LRRC3B: variants seen among roughly 807,000 people sequenced by gnomAD.
The protein encoded by LRRC3B is leucine rich repeat containing 3B.
A neutral mutation model predicts 12.8 loss-of-function variants in LRRC3B; 2 were observed. The observed-to-expected ratio is 0.16, with a 90% CI of 0.06 to 0.49. The LOEUF (loss-of-function observed/expected upper bound fraction) is 0.49. Ranked by LOEUF, LRRC3B falls within the 20% of genes least tolerant of loss-of-function variation. The pLI is 0.96. For missense variants in LRRC3B, 189 were observed against 319.4 expected (o/e 0.59, Z 3.11); for synonymous variants, 132 against 122.0 (o/e 1.08, Z -0.54).
chr3:26,699,448 A>T (rs750550124), intron 1 of LRRC3B, among the ~76,000 whole-genome samples: 7 of 152,132 alleles, frequency 4.6e-5, no homozygotes, highest in Non-Finnish European at 7.4e-5. Flanking sequence ...CCTGAAATTC[A>T]TTACTTGGGA....
chr3:26,637,438 T>G (rs1698926430), intron 1 of LRRC3B, among the ~76,000 whole-genome samples: 1 of 152,156 alleles, frequency 6.6e-6, no homozygotes, highest in Non-Finnish European at 1.5e-5. Flanking sequence ...ATTACTAGTT[T>G]TATAAAGTCA....
intron 1 of LRRC3B, among the ~76,000 whole-genome samples, chr3:26,641,831 AC>A (rs2125408308): frequency 6.6e-6 from 1 of 152,308 alleles, no homozygotes; most frequent in Non-Finnish European, 1.5e-5. Flanking sequence ...TAGTTCTCAA[AC>A]TTTTTGGTAT....
intron 1 of LRRC3B, among the ~76,000 whole-genome samples, chr3:26,674,940 G>A (rs900434437): frequency 6.6e-6 from 1 of 152,126 alleles, no homozygotes; most frequent in African/African-American, 2.4e-5. Flanking sequence ...AATTTAAAAA[G>A]GATTCCAAGT....
chr3:26,673,258 A>C (rs369842361), intron 1 of LRRC3B, among the ~76,000 whole-genome samples: 1 of 152,358 alleles, frequency 6.6e-6, no homozygotes, highest in South Asian at 2.1e-4. Flanking sequence ...GAATTCATAC[A>C]GTCTTTTATT....
chr3:26,668,964 A>G (rs530592221), intron 1 of LRRC3B, among the ~76,000 whole-genome samples: 1 of 152,304 alleles, frequency 6.6e-6, no homozygotes, highest in Admixed American at 6.5e-5. Context: ...ATTGCTTACA[A>G]GGGTCCTCAA....
At chr3:26,693,715 G>A (rs1388714802) in intron 1 of LRRC3B, among the ~76,000 whole-genome samples, 1 of 152,202 alleles carries the variant, frequency 6.6e-6, no homozygotes, top group African/African-American at 2.4e-5. Context: ...TAACTACTAA[G>A]AGGCTGAATG....
chr3:26,709,636 A>G lies in LRRC3B; in HGVS notation c.-37A>G, dbSNP rs1407573544. The G allele has an allele frequency of 2.5e-6, 4 of 1,595,340 alleles. No homozygotes were observed. Among genetic ancestry groups the G allele is most frequent in the East Asian group, 2.2e-5 (1 of 44,720 alleles). The stretch of plus-strand genomic sequence containing the variant: ...ACCTTTACCACGCTTGTTGGAGTAG[A>G]TGAGGAATGGGCTCGTGATTATGCT... On this transcript the variant is annotated 5_prime_UTR_variant, in exon 2 of 2. It removes an upstream start codon present in the reference 5' UTR. Transcript: ENST00000396641.
chr3:26,660,320 A>T (rs1273391818), intron 1 of LRRC3B, among the ~76,000 whole-genome samples: 1 of 152,158 alleles, frequency 6.6e-6, no homozygotes, highest in Admixed American at 6.5e-5. Context: ...ATTCTATTTC[A>T]TTTCATTTAG....
At chr3:26,685,160 T>C (rs1575160240) in intron 1 of LRRC3B, among the ~76,000 whole-genome samples, 1 of 151,960 alleles carries the variant, frequency 6.6e-6, no homozygotes, top group East Asian at 1.9e-4. Flanking sequence ...AACAAGTTGG[T>C]CAGGCTGGTC....
chr3:26,636,173 G>T (rs1179956752), intron 1 of LRRC3B, among the ~76,000 whole-genome samples: 1 of 152,170 alleles, frequency 6.6e-6, no homozygotes, highest in Non-Finnish European at 1.5e-5. Context: ...AAGAGATGCT[G>T]AGTGGAGCTG....
intron 1 of LRRC3B, among the ~76,000 whole-genome samples, chr3:26,640,892 G>A (rs17018443): frequency 0.034 from 5,202 of 152,244 alleles, 168 homozygotes; most frequent in East Asian, 0.13. Context: ...ACAGCTAGAG[G>A]CAGGGAAGGA....
intron 1 of LRRC3B, among the ~76,000 whole-genome samples, chr3:26,676,925 A>G (rs1699872122): frequency 6.6e-6 from 1 of 152,194 alleles, no homozygotes; most frequent in Non-Finnish European, 1.5e-5. Flanking sequence ...GCTTCACTGT[A>G]GACATGCTCT....
At chr3:26,633,262 C>T (rs1325578587) in intron 1 of LRRC3B, among the ~76,000 whole-genome samples, 2 of 152,084 alleles carry the variant, frequency 1.3e-5, no homozygotes, top group Non-Finnish European at 1.5e-5. Flanking sequence ...TCTAATTAGT[C>T]GGCCATTTAA....
intron 1 of LRRC3B, among the ~76,000 whole-genome samples, chr3:26,685,449 AAGG>A (rs1425513851): frequency 2.2e-5 from 3 of 138,812 alleles, no homozygotes; most frequent in Non-Finnish European, 4.6e-5. Context: ...TAGTTTGTGG[AAGG>A]AGGATACCCA....
intron 1 of LRRC3B, among the ~76,000 whole-genome samples, chr3:26,670,826 G>A (rs1456563587): frequency 1.3e-5 from 2 of 152,028 alleles, no homozygotes; most frequent in Non-Finnish European, 2.9e-5. Context: ...GTTCAATCTG[G>A]TATTGGGGAC....
chr3:26,668,966 G>A (rs979472554), intron 1 of LRRC3B, among the ~76,000 whole-genome samples: 2 of 152,068 alleles, frequency 1.3e-5, no homozygotes, highest in African/African-American at 4.8e-5. Flanking sequence ...TGCTTACAAG[G>A]GTCCTCAAAT....
chr3:26,658,133 A>G (rs1699414033), intron 1 of LRRC3B, among the ~76,000 whole-genome samples: 1 of 152,068 alleles, frequency 6.6e-6, no homozygotes, highest in Non-Finnish European at 1.5e-5. Flanking sequence ...CTGGAGTTTC[A>G]GTGGCACCAT....
rs557838115 is a variant in LRRC3B, at chr3:26,642,645, C to T, written c.-161+19408C>T. ...GCCTGTTTCTCTACAGGCTTTGGCA[C>T]GGTGAAAAGGAAGCAGGAGGTCCAG... is the stretch of plus-strand genomic sequence containing the variant. On this transcript the variant is annotated intron_variant, in intron 1 of 1. Transcript: ENST00000396641. Among the ~76,000 whole-genome samples, 13 of 152,162 alleles carry T rather than the reference C, an allele frequency of 8.5e-5. No homozygotes were observed. The East Asian group carries it at 1.2e-3, about 14-fold the overall frequency.
At chr3:26,683,475 A>G (rs941275077) in intron 1 of LRRC3B, among the ~76,000 whole-genome samples, 3 of 152,206 alleles carry the variant, frequency 2.0e-5, no homozygotes, top group African/African-American at 7.2e-5. Flanking sequence ...AGGGGGTTGG[A>G]AAAGATATGC....
Sources: allele counts gnomAD v4.1 joint callset (sites outside exome capture counted in the v4.1 genomes callset), GRCh38; gene constraint gnomAD v4.1.1; transcripts MANE v1.5; gene names NCBI Gene and HGNC (gene_info 2026-07-23, HGNC 2026-07-21).